MUL1: variants seen among roughly 807,000 people sequenced by gnomAD.
MUL1 encodes the protein mitochondrial ubiquitin ligase activator of NFKB 1.
MUL1 carries 30 observed loss-of-function variants against 34.1 expected under a neutral mutation model. The ratio of observed to expected loss-of-function variants is 0.88; its 90% CI spans 0.66 to 1.19. MUL1 has a LOEUF of 1.19. Among genes scored for constraint, MUL1 ranks in the 50% most tolerant of loss-of-function variants. The pLI is 0.00. For missense variants in MUL1, 419 were observed against 450.5 expected (o/e 0.93, Z 0.63); for synonymous variants, 191 against 187.8 (o/e 1.02, Z -0.14).
Position 20,501,783 on chromosome 1 carries a change from A to G in MUL1, c.329+286T>C, listed in dbSNP as rs1415126879. 6.6e-6 allele frequency among the ~76,000 whole-genome samples: 1 copy of G among 152,218 alleles called. No homozygotes were observed. The highest frequency in any genetic ancestry group is 2.4e-5 in the African/African-American group (1 of 41,450). ...CTCAAACTTCAGTGTGCCTAACAAC[A>G]GATTCCAGGTCCCTGATCCTGGAAA... On this transcript the variant is annotated intron_variant, in intron 3 of 3. Coordinates refer to ENST00000264198, the MANE Select transcript of MUL1 (RefSeq NM_024544.3). The surrounding 1 kb of genome is among the most constrained non-coding windows in gnomAD (Gnocchi z 4.2).
At position 20,502,127 on chromosome 1, in the gene MUL1, T is replaced by C; in HGVS notation, c.271A>G (p.Ile91Val). 6.2e-7 allele frequency: 1 copy of C among 1,614,142 alleles called. No individual in the cohort carries two copies. The highest frequency in any genetic ancestry group is 8.5e-7 in the Non-Finnish European group (1 of 1,180,042). ...SQFVENCKGVIQRLTLQEHKM... is the reference protein window; with the variant it reads ...SQFVENCKGVVQRLTLQEHKM... ...TGCTCCTGAAGTGTCAGCCGCTGAA[T>C]TACCCCCTTGCAGTTTTCCACAAAC... The change falls in exon 3 of 4, where the codon ATT becomes GTT. Residue 91 changes from isoleucine (I) to valine (V), a missense_variant. Transcript: ENST00000264198.
At chr1:20,503,144 T>C (rs1181658750) in intron 2 of MUL1, 78 bp downstream of exon 2, 9 of 1,068,812 alleles carry the variant, frequency 8.4e-6, no homozygotes, top group Non-Finnish European at 1.3e-5. Context: ...CAAAAGGCTC[T>C]TCATATTAGC....
Position 20,501,495 on chromosome 1 carries a change from G to A in MUL1, c.330-76C>T. On this transcript the variant is annotated intron_variant, in intron 3 of 3. Transcript: ENST00000264198. The surrounding 1 kb of genome is among the most constrained non-coding windows in gnomAD (Gnocchi z 4.2). ...AGGCAGAACTGGAGATCAACTAAAT[G>A]TGGAGGACAGCATATGGTCTGAAGT... The A allele has an allele frequency of 6.7e-7, 1 of 1,485,130 alleles. No homozygotes were observed. The highest frequency in any genetic ancestry group is 1.9e-5 in the Admixed American group (1 of 53,514). 92.0% of individuals were successfully genotyped at this position (1,485,130 alleles called of 1,614,324 possible). A position where few individuals can be genotyped will look rare whatever the true frequency, so the allele number is the denominator to read the frequency against.
chr1:20,503,222 C>T lies in MUL1; in HGVS notation c.208G>A (p.Gly70Arg). ...TCCATTGACCAATAAGCAAACATAC[C>T]TTCTATAACAGCATAAGGCACGCAT... is the stretch of plus-strand genomic sequence containing the variant. ...GKCVPYAVIEGAVRSVKETLN... is the reference protein window; with the variant it reads ...GKCVPYAVIERAVRSVKETLN... Residue 70 changes from glycine to arginine, a missense_variant and splice_region_variant, in exon 2 of 4, where the codon GGA (glycine) becomes AGA (arginine). Physicochemically the swap from Gly to Arg is moderately radical, Grantham distance 125. Coordinates refer to ENST00000264198, the MANE Select transcript of MUL1 (RefSeq NM_024544.3). The T allele has an allele frequency of 6.3e-7, 1 of 1,587,730 alleles. No homozygotes were observed. The highest frequency in any genetic ancestry group is 1.2e-5 in the South Asian group (1 of 86,684).
At chr1:20,502,583 G>T (rs1392085454) in intron 2 of MUL1, among the ~76,000 whole-genome samples, 2 of 152,164 alleles carry the variant, frequency 1.3e-5, no homozygotes, top group African/African-American at 4.8e-5. Flanking sequence ...ACCCAGGCTG[G>T]AGTACAGTGG....
At position 20,503,327 on chromosome 1, in the gene MUL1, A is replaced by G. The variant is rs1284934508; in HGVS notation, c.121-18T>C. On this transcript the variant is annotated intron_variant, in intron 1 of 3. Transcript: ENST00000264198. ...TTAGCTCCCTAAATAAAAAAAAAAA[A>G]TTAAATTAATTGGCCATTGAACACT... 3 of 1,342,348 alleles carry G rather than the reference A, an allele frequency of 2.2e-6. No homozygotes were observed. The highest frequency in any genetic ancestry group is 3.1e-6 in the Non-Finnish European group (3 of 958,792). 83.2% of individuals were successfully genotyped at this position (1,342,348 alleles called of 1,614,324 possible).
chr1:20,505,204 C>T (rs1030619256), intron 1 of MUL1, among the ~76,000 whole-genome samples: 6 of 152,102 alleles, frequency 3.9e-5, no homozygotes, highest in African/African-American at 9.7e-5. Context: ...ATAGGAGGCA[C>T]GCAATAAATT....
rs749212675 is a variant in MUL1, at chr1:20,503,218, A to T, written c.208+4T>A. On this transcript the variant is annotated splice_donor_region_variant and intron_variant, in intron 2 of 3. Transcript: ENST00000264198. ...GTTTTCCATTGACCAATAAGCAAAC[A>T]TACCTTCTATAACAGCATAAGGCAC... 2.0e-5 allele frequency: 31 copies of T among 1,580,458 alleles called. No homozygotes were observed. Among genetic ancestry groups the T allele is most frequent in the Non-Finnish European group, 2.2e-5 (25 of 1,160,624 alleles).
intron 2 of MUL1, 91 bp downstream of exon 2, chr1:20,503,131 C>T (rs2051680543): frequency 2.2e-6 from 2 of 907,706 alleles, no homozygotes; most frequent in African/African-American, 1.7e-5. Context: ...GGACCCAACA[C>T]CACAAAAGGC....
rs765827538 is a variant in MUL1 at position 20,503,277 on chromosome 1, T to C, written c.153A>G (p.Leu51=). 1.7e-5 allele frequency: 28 copies of C among 1,607,602 alleles called. No individual in the cohort carries two copies. Among genetic ancestry groups the C allele is most frequent in the Non-Finnish European group, 2.3e-5 (27 of 1,177,678 alleles). ...GAKKVHLGED[L]KSILSEAPGK... is the part of the protein sequence containing the mutation. ...CTGGAGCTTCTGAAAGAATACTCTT[T>C]AAATCTTCACCCAAATGAACTTTTT... The change falls in exon 2 of 4, where the codon TTA becomes TTG. Residue 51 remains leucine (L), a synonymous_variant. Transcript: ENST00000264198.
chr1:20,507,966 A>G lies in MUL1; in HGVS notation c.59T>C (p.Val20Ala). 6.3e-7 allele frequency: 1 copy of G among 1,594,704 alleles called. No individual in the cohort carries two copies. Among genetic ancestry groups the G allele is most frequent in the South Asian group, 1.1e-5 (1 of 87,642 alleles). Residue 20 changes from valine (V) to alanine (A), a missense_variant, in exon 1 of 4, where the codon GTG (valine) becomes GCG (alanine). Coordinates refer to ENST00000264198, the MANE Select transcript of MUL1 (RefSeq NM_024544.3). ...CACGGAGTACAGGGCGGCGGTGACC[A>G]CAGAGGTGGTGCCCAGGAGGATGAA... ...CQFILLGTTSVVTAALYSVYR... is the reference protein window; with the variant it reads ...CQFILLGTTSAVTAALYSVYR...
rs2051630243 is a variant in MUL1 at position 20,499,462 on chromosome 1, T to C, written c.*1228A>G. On this transcript the variant is annotated 3_prime_UTR_variant, in exon 4 of 4. Transcript: ENST00000264198. ...CAGGCTAGCACTTGGTTGCAACATG[T>C]TTAATTTCTGCTGTTCACACTGGAC... 6.6e-6 allele frequency: 1 copy of C among 152,234 alleles called. No individual in the cohort carries two copies. The highest frequency in any genetic ancestry group is 1.5e-5 in the Non-Finnish European group (1 of 68,050). 9.4% of individuals were successfully genotyped at this position (152,234 alleles called of 1,614,324 possible). A position where few individuals can be genotyped will look rare whatever the true frequency, so the allele number is the denominator to read the frequency against.
In MUL1 at chr1:20,501,958, G is replaced by A; in HGVS notation, c.329+111C>T. 7.3e-7 allele frequency: 1 copy of A among 1,364,512 alleles called. No homozygotes were observed. The highest frequency in any genetic ancestry group is 1.0e-6 in the Non-Finnish European group (1 of 971,888). 84.5% of individuals were successfully genotyped at this position (1,364,512 alleles called of 1,614,324 possible). A position where few individuals can be genotyped will look rare whatever the true frequency, so the allele number is the denominator to read the frequency against. ...AGAATATGACCTGCATTAAGAGACT[G>A]GGCTTCAACCTGTCTCAGGAGAAGC... On this transcript the variant is annotated intron_variant, in intron 3 of 3. Coordinates refer to ENST00000264198, the MANE Select transcript of MUL1 (RefSeq NM_024544.3). The surrounding 1 kb of genome is among the most constrained non-coding windows in gnomAD (Gnocchi z 4.2).
intron 1 of MUL1, 55 bp from the exon 2 acceptor site, chr1:20,503,364 T>C (rs2051683412): frequency 1.9e-6 from 2 of 1,052,310 alleles, no homozygotes; most frequent in South Asian, 3.0e-5. Flanking sequence ...ACATGCTCAA[T>C]CAAACTTACA....
chr1:20,503,377 CA>C (rs551063997), intron 1 of MUL1, 68 bp from the exon 2 acceptor site: 141 of 882,334 alleles, frequency 1.6e-4, no homozygotes, highest in Admixed American at 2.4e-4. Flanking sequence ...AACTTACAGG[CA>C]AAAAAAAGAA....
Position 20,500,998 on chromosome 1 carries a change from T to A in MUL1, c.751A>T (p.Thr251Ser). ...KVLALVFGFA[T>S]CATLFFILRK... is the part of the protein sequence containing the mutation. ...AGAATGAAGAAGAGGGTGGCACATG[T>A]GGCAAAGCCAAAAACCAGCGCCAGC... Residue 251 changes from threonine to serine, a missense_variant, in exon 4 of 4, where the codon ACA (threonine) becomes TCA (serine). By Grantham distance (58) the Thr-to-Ser change is moderately conservative. Transcript: ENST00000264198. 1 of 1,614,068 alleles carries A rather than the reference T, an allele frequency of 6.2e-7. No homozygotes were observed. The highest frequency in any genetic ancestry group is 8.5e-7 in the Non-Finnish European group (1 of 1,180,040).
At position 20,500,465 on chromosome 1, in the gene MUL1, G is replaced by A. The variant is rs918921242; in HGVS notation, c.*225C>T. On this transcript the variant is annotated 3_prime_UTR_variant, in exon 4 of 4. Coordinates refer to ENST00000264198, the MANE Select transcript of MUL1 (RefSeq NM_024544.3). ...AGACGCCACGGCATCCTCCCAGGGT[G>A]AGGCTCTGATGAGGCTGCACATGGA... is the stretch of plus-strand genomic sequence containing the variant. 14 of 509,054 alleles carry A rather than the reference G, an allele frequency of 2.8e-5. No homozygotes were observed. Among genetic ancestry groups the A allele is most frequent in the Non-Finnish European group, 4.4e-5 (13 of 295,658 alleles). The allele number at this position is 509,054 out of a possible 1,614,324, so 31.5% of individuals were successfully genotyped here. A position where few individuals can be genotyped will look rare whatever the true frequency, so the allele number is the denominator to read the frequency against.
Position 20,501,596 on chromosome 1 carries a change from G to A in MUL1, c.330-177C>T, listed in dbSNP as rs558350162. ...AGGCTCCATTTGTAGGTCCTGGGGC[G>A]ATATCAGTGGGCAACAAATAACCGC... On this transcript the variant is annotated intron_variant, in intron 3 of 3. Coordinates refer to ENST00000264198, the MANE Select transcript of MUL1 (RefSeq NM_024544.3). The surrounding 1 kb of genome is among the most constrained non-coding windows in gnomAD (Gnocchi z 4.2). Among the ~76,000 whole-genome samples the A allele has an allele frequency of 6.6e-6, 1 of 152,118 alleles. No individual in the cohort carries two copies. Among genetic ancestry groups the A allele is most frequent in the Non-Finnish European group, 1.5e-5 (1 of 68,004 alleles).
chr1:20,501,270 T>C lies in MUL1; in HGVS notation c.479A>G (p.His160Arg). 1 of 1,613,932 alleles carries C rather than the reference T, an allele frequency of 6.2e-7. No homozygotes were observed. The highest frequency in any genetic ancestry group is 8.5e-7 in the Non-Finnish European group (1 of 1,179,988). The change falls in exon 4 of 4, where the codon CAC (histidine) becomes CGC (arginine). Residue 160 changes from histidine (H) to arginine (R), a missense_variant. Coordinates refer to ENST00000264198, the MANE Select transcript of MUL1 (RefSeq NM_024544.3). This position sits in a 1 kb window ranked among gnomAD's most constrained non-coding sequence, Gnocchi z 4.2. ...ATCGGTGAAGGACTGAATCGAGGGG[T>C]GGAACTTCTCATACACAGTCTCTAG... The part of the protein sequence containing the change: ...LGLETVYEKF[H>R]PSIQSFTDVI...
Sources: allele counts gnomAD v4.1 joint callset (sites outside exome capture counted in the v4.1 genomes callset), GRCh38; gene constraint gnomAD v4.1.1; non-coding constraint Gnocchi (gnomAD v3.1); transcripts MANE v1.5; gene names NCBI Gene and HGNC (gene_info 2026-07-23, HGNC 2026-07-21).